Variants in SLC24A2 observed in about 807,000 individuals in gnomAD.
SLC24A2 encodes the protein sodium/potassium/calcium exchanger 2.
In SLC24A2, 36 loss-of-function variants were observed where a neutral mutation model predicts 62.0. That is an observed-to-expected ratio of 0.58 (90% CI 0.44 to 0.77). SLC24A2 has a LOEUF of 0.77. Among genes scored for constraint, SLC24A2 ranks in the 30% least tolerant of loss-of-function variants. The pLI, the probability that SLC24A2 is intolerant of heterozygous loss-of-function variation, is 0.00. For missense variants in SLC24A2, 846 were observed against 817.9 expected (o/e 1.03, Z -0.42); for synonymous variants, 358 against 294.0 (o/e 1.22, Z -2.23).
At chr9:20,203,122 GA>G in the SLC24A2 span, among the ~76,000 whole-genome samples, 77,692 of 143,896 alleles carry the variant, frequency 0.54, 22,098 homozygotes, top group East Asian at 0.86. Context: ...TGACTAAAAG[GA>G]AAAAAAAAAA....
chr9:19,681,004 G>GT (rs1250283930), intron 2 of SLC24A2, among the ~76,000 whole-genome samples: 1 of 151,970 alleles, frequency 6.6e-6, no homozygotes, highest in East Asian at 1.9e-4. Flanking sequence ...ATCCCAGCTT[G>GT]TTCTCAACAC....
chr9:20,191,431 C>G, the SLC24A2 span, among the ~76,000 whole-genome samples: 2 of 151,896 alleles, frequency 1.3e-5, no homozygotes, highest in Non-Finnish European at 2.9e-5. Flanking sequence ...GGACCATAAT[C>G]CTCACCAGGG....
At chr9:19,964,982 G>A in the SLC24A2 span, among the ~76,000 whole-genome samples, 2 of 152,090 alleles carry the variant, frequency 1.3e-5, no homozygotes, top group South Asian at 2.1e-4. Flanking sequence ...CTTCCCCATG[G>A]AGTTCAAGCT....
rs544391430 is a variant in SLC24A2, at chr9:19,654,704, C to T, written c.931-32405G>A. ...CTTTTTTTTCATTTACCTATGTATA[C>T]CCTTTGAACCTGCCCCCGGTGTCTC... On this transcript the variant is annotated intron_variant, in intron 2 of 10. Coordinates refer to ENST00000341998, the MANE Select transcript of SLC24A2 (RefSeq NM_020344.4). Among the ~76,000 whole-genome samples, 77 of 152,190 alleles carry T rather than the reference C, an allele frequency of 5.1e-4. 2 individuals carry two copies. In the South Asian group the frequency reaches 0.012, roughly 24 times the overall value.
At chr9:19,660,741 A>C (rs1819072281) in intron 2 of SLC24A2, among the ~76,000 whole-genome samples, 5 of 152,174 alleles carry the variant, frequency 3.3e-5, no homozygotes, top group Admixed American at 3.3e-4. Context: ...TATGAAAGGA[A>C]AGTGTATTCT....
the SLC24A2 span, among the ~76,000 whole-genome samples, chr9:19,842,395 T>A: frequency 6.6e-6 from 1 of 152,330 alleles, no homozygotes; most frequent in African/African-American, 2.4e-5. Flanking sequence ...AGTTATGATG[T>A]AGTTAGGAGA....
chr9:19,934,341 C>A, the SLC24A2 span, among the ~76,000 whole-genome samples: 1 of 152,182 alleles, frequency 6.6e-6, no homozygotes, highest in African/African-American at 2.4e-5. This position sits in a 1 kb window ranked among gnomAD's most constrained non-coding sequence, Gnocchi z 4.1. Context: ...AAACAGGTGG[C>A]TTCATGTCTC....
At chr9:19,852,978 C>G in the SLC24A2 span, among the ~76,000 whole-genome samples, 4 of 151,978 alleles carry the variant, frequency 2.6e-5, no homozygotes, top group Non-Finnish European at 5.9e-5. Context: ...TGTTTGTGTC[C>G]TCTCTTATTT....
At chr9:19,653,426 GTGTGCT>G (rs1818855057) in intron 2 of SLC24A2, among the ~76,000 whole-genome samples, 1 of 152,176 alleles carries the variant, frequency 6.6e-6, no homozygotes, top group African/African-American at 2.4e-5. Context: ...TGCTCAAGAA[GTGTGCT>G]GAATGGATGC....
chr9:19,833,512 G>A, the SLC24A2 span, among the ~76,000 whole-genome samples: 12 of 152,336 alleles, frequency 7.9e-5, no homozygotes, highest in East Asian at 2.3e-3. Flanking sequence ...ACTGCAAGGT[G>A]GCAGCGAGGC....
chr9:19,960,634 C>T, the SLC24A2 span, among the ~76,000 whole-genome samples: 1 of 152,178 alleles, frequency 6.6e-6, no homozygotes, highest in African/African-American at 2.4e-5. Flanking sequence ...TACACACCTA[C>T]TCTAGTACTT....
chr9:19,972,484 A>G, the SLC24A2 span, among the ~76,000 whole-genome samples: 1 of 152,180 alleles, frequency 6.6e-6, no homozygotes, highest in African/African-American at 2.4e-5. Flanking sequence ...CAACCTTTCA[A>G]AGAAGAAAGG....
At chr9:20,196,173 T>G in the SLC24A2 span, among the ~76,000 whole-genome samples, 1 of 152,210 alleles carries the variant, frequency 6.6e-6, no homozygotes, top group East Asian at 1.9e-4. Context: ...GGAACACTAT[T>G]TGACAATATG....
chr9:19,755,788 T>C (rs1231471087), intron 2 of SLC24A2, among the ~76,000 whole-genome samples: 1 of 152,206 alleles, frequency 6.6e-6, no homozygotes, highest in Non-Finnish European at 1.5e-5. Flanking sequence ...AACTTCACAG[T>C]TTAATTCCTA....
the SLC24A2 span, among the ~76,000 whole-genome samples, chr9:20,096,085 A>ATCCGTCCGTCCG: frequency 7.1e-6 from 1 of 140,370 alleles, no homozygotes; most frequent in Non-Finnish European, 1.5e-5. Context: ...CCATCCATCC[A>ATCCGTCCGTCCG]TCCGTCCGTC....
At chr9:19,739,307 C>T (rs1821604371) in intron 2 of SLC24A2, among the ~76,000 whole-genome samples, 1 of 152,178 alleles carries the variant, frequency 6.6e-6, no homozygotes, top group South Asian at 2.1e-4. Context: ...TGCAATTCTA[C>T]TCAAAATTCT....
At chr9:19,738,412 C>T (rs140704081) in intron 2 of SLC24A2, among the ~76,000 whole-genome samples, 19 of 152,006 alleles carry the variant, frequency 1.2e-4, no homozygotes, top group Non-Finnish European at 2.2e-4. Context: ...AGAGAGAGAA[C>T]GCATGCATTC....
chr9:19,868,536 G>C, the SLC24A2 span, among the ~76,000 whole-genome samples: 2 of 152,174 alleles, frequency 1.3e-5, no homozygotes, highest in African/African-American at 4.8e-5. Context: ...TTATGTCCTT[G>C]TTAAATTTCT....
At chr9:19,773,734 A>G (rs1822759860) in intron 2 of SLC24A2, among the ~76,000 whole-genome samples, 1 of 152,200 alleles carries the variant, frequency 6.6e-6, no homozygotes, top group South Asian at 2.1e-4. Flanking sequence ...CAAGACAGAA[A>G]ACACAGATGC....
Sources: allele counts gnomAD v4.1 joint callset (sites outside exome capture counted in the v4.1 genomes callset), GRCh38; gene constraint gnomAD v4.1.1; non-coding constraint Gnocchi (gnomAD v3.1); transcripts MANE v1.5; gene names NCBI Gene and HGNC (gene_info 2026-07-23, HGNC 2026-07-21).